The following RIF1 variants were observed in gnomAD, a reference collection of about 807,000 sequenced individuals.
RIF1 encodes replication timing regulatory factor 1.
In RIF1, 45 loss-of-function variants were observed where a neutral mutation model predicts 247.1. The ratio of observed to expected loss-of-function variants is 0.18; its 90% CI spans 0.14 to 0.23. RIF1 has a LOEUF of 0.23. Ranked by LOEUF, RIF1 falls within the 10% of genes least tolerant of loss-of-function variation. The probability of loss-of-function intolerance (pLI) is 1.00; values close to 1 mark genes in which losing one functional copy is unlikely to be tolerated. For synonymous variants in RIF1, 1,087 were observed against 978.8 expected (o/e 1.11, Z -2.06); for missense variants, 2,967 against 2,862.5 (o/e 1.04, Z -0.83).
At chr2:151,482,815 G>A (rs1028198757), downstream of RIF1, among the ~76,000 whole-genome samples, 1 of 152,146 alleles carries the variant, frequency 6.6e-6, no homozygotes, top group African/African-American at 2.4e-5. Context: ...CTGAGATATG[G>A]TATCAGCAGG....
chr2:151,514,364 G>GT, the RIF1 span: 1 of 1,613,770 alleles, frequency 6.2e-7, no homozygotes, highest in South Asian at 1.1e-5. Flanking sequence ...CATGTCAGGT[G>GT]TATCTTCCAT....
At chr2:151,496,786 G>A (rs2060515850) in intron 10 of RIF1, among the ~76,000 whole-genome samples, 1 of 152,116 alleles carries the variant, frequency 6.6e-6, no homozygotes. Flanking sequence ...AATGGTGTTA[G>A]GCTAGAAGTA....
At position 151,443,452 on chromosome 2, in the gene RIF1, A is replaced by G. The variant is rs2152392864; in HGVS notation, c.1806-77A>G. On this transcript the variant is annotated intron_variant, in intron 17 of 35. Transcript: ENST00000444746. ...AAAATTCGTTAACTTTTTGTCAGTT[A>G]TTTTAGAATTTTGTTAACATTAAAT... The G allele has an allele frequency of 2.8e-6, 4 of 1,408,634 alleles. No homozygotes were observed. The East Asian group carries it at 9.4e-5, about 33-fold the overall frequency. 87.3% of individuals were successfully genotyped at this position (1,408,634 alleles called of 1,614,324 possible). A position where few individuals can be genotyped will look rare whatever the true frequency, so the allele number is the denominator to read the frequency against.
chr2:151,463,057 A>T lies in RIF1; in HGVS notation c.3537A>T (p.Ser1179=), dbSNP rs1156683478. 4 of 1,613,980 alleles carry T rather than the reference A, an allele frequency of 2.5e-6. No individual in the cohort carries two copies. In the South Asian group the frequency reaches 3.3e-5, roughly 13 times the overall value. Residue 1179 remains serine, a synonymous_variant, in exon 30 of 36, where the codon TCA becomes TCT. Transcript: ENST00000444746. ...NNDERKKALI[S]SRKTSTECAS... ...ATGAAAGAAAAAAAGCTTTAATTTC[A>T]TCAAGGAAAACATCAACTGAATGTG... is the stretch of plus-strand genomic sequence containing the variant.
Position 151,438,685 on chromosome 2 carries a change from T to A in RIF1, c.1485T>A (p.Asp495Glu), listed in dbSNP as rs763325233. 6.2e-7 allele frequency: 1 copy of A among 1,609,470 alleles called. No individual in the cohort carries two copies. The highest frequency in any genetic ancestry group is 1.1e-5 in the South Asian group (1 of 91,010). ...SFVAVGKDAP[D>E]VVVSAIWKEL... ...ACTCAAGTTTATTTTGTTTGACAGA[T>A]GTGGTTGTCAGTGCTATCTGGAAGG... Residue 495 changes from aspartate to glutamate, a missense_variant and splice_region_variant, in exon 14 of 36, where the codon GAT (aspartate) becomes GAA (glutamate). This residue lies in a region of RIF1 where 369 missense variants were observed against 322.0 expected (regional missense o/e 1.15). Coordinates refer to ENST00000444746, the MANE Select transcript of RIF1 (RefSeq NM_018151.5).
At chr2:151,483,854 G>T (rs977210743), downstream of RIF1, among the ~76,000 whole-genome samples, 2 of 152,116 alleles carry the variant, frequency 1.3e-5, no homozygotes, top group Non-Finnish European at 2.9e-5. Flanking sequence ...AGGGATCTAG[G>T]TTTGTGCTCC....
chr2:151,522,015 T>C, the RIF1 span, among the ~76,000 whole-genome samples: 1 of 152,200 alleles, frequency 6.6e-6, no homozygotes, highest in Admixed American at 6.5e-5. Context: ...GTGAAGCTTT[T>C]TCCCATTAAC....
chr2:151,446,656 T>G, intron 20 of RIF1, 81 bp downstream of exon 20: 3 of 1,363,220 alleles, frequency 2.2e-6, no homozygotes, highest in Non-Finnish European at 2.1e-6. Context: ...ATTTGTGAAC[T>G]GTCACCTATT....
At chr2:151,438,006 C>A (rs1573989018) in intron 13 of RIF1, among the ~76,000 whole-genome samples, 1 of 152,146 alleles carries the variant, frequency 6.6e-6, no homozygotes, top group South Asian at 2.1e-4. Context: ...AAAAGAATCA[C>A]AATGAATCAC....
the RIF1 span, chr2:151,527,587 T>C: frequency 1.2e-6 from 2 of 1,608,372 alleles, no homozygotes; most frequent in Non-Finnish European, 1.7e-6. Context: ...ATAGTCCAGC[T>C]GTTTTTAACA....
At chr2:151,459,140 G>C (rs1475906484) in intron 25 of RIF1, among the ~76,000 whole-genome samples, 1 of 152,094 alleles carries the variant, frequency 6.6e-6, no homozygotes, top group Non-Finnish European at 1.5e-5. Flanking sequence ...TACCTCATCT[G>C]TGCTGTTCAC....
chr2:151,522,875 A>G, the RIF1 span, among the ~76,000 whole-genome samples: 1 of 152,192 alleles, frequency 6.6e-6, no homozygotes, highest in African/African-American at 2.4e-5. Flanking sequence ...GAACAGGGAA[A>G]GCCCACACAC....
At chr2:151,452,837 G>A (rs1439854258) in intron 21 of RIF1, among the ~76,000 whole-genome samples, 1 of 152,204 alleles carries the variant, frequency 6.6e-6, no homozygotes, top group African/African-American at 2.4e-5. Context: ...TGGTACTTCT[G>A]AAATTAGATT....
At chr2:151,414,674 GT>G in intron 3 of RIF1, 148 bp from the exon 4 acceptor site, 1 of 586,894 alleles carries the variant, frequency 1.7e-6, no homozygotes, top group Middle Eastern at 4.6e-4. Context: ...TTTATTCCTT[GT>G]TTATTTTTAT....
chr2:151,514,615 A>G, the RIF1 span, among the ~76,000 whole-genome samples: 1 of 152,378 alleles, frequency 6.6e-6, no homozygotes, highest in South Asian at 2.1e-4. Context: ...CTTGAAGTTA[A>G]TAGAATGCTA....
chr2:151,525,195 G>A, the RIF1 span: 1 of 1,613,878 alleles, frequency 6.2e-7, no homozygotes, highest in Non-Finnish European at 8.5e-7. Flanking sequence ...TCCATAGCAT[G>A]TTTCACCTCT....
At chr2:151,499,553 T>C in intron 11 of RIF1, 1 of 509,546 alleles carries the variant, frequency 2.0e-6, no homozygotes, top group South Asian at 2.5e-5. Flanking sequence ...GAGAACATGT[T>C]TTGTATTTCC....
chr2:151,425,234 T>G (rs1255827458), intron 8 of RIF1, among the ~76,000 whole-genome samples: 1 of 152,158 alleles, frequency 6.6e-6, no homozygotes, highest in African/African-American at 2.4e-5. Context: ...TTGGCCCATT[T>G]TTGAGTAGGT....
intron 7 of RIF1, among the ~76,000 whole-genome samples, chr2:151,422,609 C>T (rs2152204791): frequency 6.6e-6 from 1 of 151,988 alleles, no homozygotes; most frequent in East Asian, 1.9e-4. Context: ...AAGCAATTCT[C>T]ATGCCTCAGC....
Sources: allele counts gnomAD v4.1 joint callset (sites outside exome capture counted in the v4.1 genomes callset), GRCh38; gene constraint gnomAD v4.1.1; regional missense constraint gnomAD v4.1.1; transcripts MANE v1.5; gene names NCBI Gene and HGNC (gene_info 2026-07-23, HGNC 2026-07-21).